The following MTA3 variants were observed in gnomAD, a reference collection of about 807,000 sequenced individuals.
The protein encoded by MTA3 is metastasis-associated protein MTA3.
Under a neutral mutation model 83.5 loss-of-function variants are expected in MTA3, and 34 were observed. That is an observed-to-expected ratio of 0.41 (90% CI 0.31 to 0.54). The LOEUF is 0.54. Ranked by LOEUF, MTA3 falls within the 20% of genes least tolerant of loss-of-function variation. MTA3 has a pLI of 0.33. For missense variants in MTA3, 761 were observed against 726.4 expected (o/e 1.05, Z -0.55); for synonymous variants, 303 against 252.7 (o/e 1.20, Z -1.89).
intron 8 of MTA3, among the ~76,000 whole-genome samples, chr2:42,668,987 G>A (rs771023198): frequency 1.3e-5 from 2 of 151,822 alleles, no homozygotes; most frequent in East Asian, 1.9e-4. Flanking sequence ...CATCAATCAC[G>A]TACTTCATTC....
At chr2:42,517,066 C>T (rs1675177706) in intron 2 of MTA3, among the ~76,000 whole-genome samples, 1 of 151,942 alleles carries the variant, frequency 6.6e-6, no homozygotes. Flanking sequence ...TTGAGACCAG[C>T]CTGACCAACA....
intron 3 of MTA3, among the ~76,000 whole-genome samples, chr2:42,587,147 C>T (rs945824379): frequency 2.6e-5 from 4 of 151,920 alleles, no homozygotes; most frequent in Non-Finnish European, 4.4e-5. Context: ...GAGCCAAGAT[C>T]GTGTCACTGC....
chr2:42,572,831 G>T (rs547443908), intron 2 of MTA3, among the ~76,000 whole-genome samples: 1 of 152,082 alleles, frequency 6.6e-6, no homozygotes, highest in Non-Finnish European at 1.5e-5. Context: ...AGGTTCAAGC[G>T]ATTCTACTGT....
In MTA3 at chr2:42,510,277, G is replaced by C. The variant is rs553746568; in HGVS notation, c.-141+15023G>C. 1.6e-3 allele frequency among the ~76,000 whole-genome samples: 230 copies of C among 145,534 alleles called. 2 individuals are homozygous for C. The highest frequency in any genetic ancestry group is 5.6e-3 in the African/African-American group (218 of 39,136). On this transcript the variant is annotated intron_variant, in intron 2 of 17. Transcript: ENST00000405592. ...GGAGGCGGAGGTTGCAGTGAGCTGA[G>C]ATTGCACCACTGCTCTCCAGCCTGG... is the stretch of plus-strand genomic sequence containing the variant.
intron 16 of MTA3, among the ~76,000 whole-genome samples, chr2:42,749,146 A>G (rs1361693158): frequency 6.6e-6 from 1 of 152,050 alleles, no homozygotes; most frequent in Non-Finnish European, 1.5e-5. Flanking sequence ...ATGTGAGGGG[A>G]GTTTGTATGT....
At chr2:42,611,044 C>T (rs1254906985) in intron 4 of MTA3, among the ~76,000 whole-genome samples, 8 of 148,204 alleles carry the variant, frequency 5.4e-5, no homozygotes, top group African/African-American at 1.5e-4. Flanking sequence ...TGCAGTGGCG[C>T]GATCTTGGCT....
chr2:42,560,035 G>A (rs1464856688), intron 2 of MTA3, among the ~76,000 whole-genome samples: 1 of 151,994 alleles, frequency 6.6e-6, no homozygotes, highest in Non-Finnish European at 1.5e-5. Context: ...ACTCTGCACA[G>A]CAGTCCAAGT....
intron 6 of MTA3, among the ~76,000 whole-genome samples, chr2:42,647,172 A>AAAAAAAAAAC (rs1233612949): frequency 6.6e-6 from 1 of 150,994 alleles, no homozygotes; most frequent in African/African-American, 2.4e-5. Context: ...AAAAAACAAA[A>AAAAAAAAAAC]AAGAAAGGAA....
At chr2:42,503,905 C>A (rs1049894932) in intron 2 of MTA3, among the ~76,000 whole-genome samples, 13 of 148,516 alleles carry the variant, frequency 8.8e-5, no homozygotes, top group African/African-American at 3.2e-4. Context: ...ACCCATCCAA[C>A]CCCATGAACC....
intron 2 of MTA3, among the ~76,000 whole-genome samples, chr2:42,574,778 T>C (rs543804481): frequency 2.6e-5 from 4 of 152,294 alleles, no homozygotes; most frequent in South Asian, 4.1e-4. Flanking sequence ...CAGGCTGATC[T>C]AGAACTCCTG....
intron 2 of MTA3, among the ~76,000 whole-genome samples, chr2:42,577,360 G>T (rs1038599181): frequency 1.3e-5 from 2 of 151,640 alleles, no homozygotes; most frequent in African/African-American, 2.4e-5. Context: ...TATTTATTTT[G>T]AACTATGCTC....
At chr2:42,654,622 G>A (rs950959662) in intron 6 of MTA3, among the ~76,000 whole-genome samples, 1 of 152,078 alleles carries the variant, frequency 6.6e-6, no homozygotes, top group Admixed American at 6.6e-5. Flanking sequence ...CTTACTTCCT[G>A]TTTGTGTATC....
intron 14 of MTA3, among the ~76,000 whole-genome samples, chr2:42,710,772 G>A (rs371982386): frequency 6.6e-6 from 1 of 152,032 alleles, no homozygotes. Flanking sequence ...ACATTTTCAT[G>A]TAATTTTTTA....
At chr2:42,536,537 C>A (rs1269269705) in intron 2 of MTA3, among the ~76,000 whole-genome samples, 1 of 151,646 alleles carries the variant, frequency 6.6e-6, no homozygotes, top group Non-Finnish European at 1.5e-5. Context: ...CGAGGCAATC[C>A]TGCTTCAGTG....
At chr2:42,742,953 A>G (rs145907221) in intron 16 of MTA3, among the ~76,000 whole-genome samples, 102 of 152,312 alleles carry the variant, frequency 6.7e-4, no homozygotes, top group African/African-American at 2.4e-3. Flanking sequence ...ATAAAGAGGA[A>G]CTACCCTTGG....
chr2:42,640,885 C>T (rs1687633873), intron 5 of MTA3, among the ~76,000 whole-genome samples: 1 of 152,008 alleles, frequency 6.6e-6, no homozygotes, highest in Non-Finnish European at 1.5e-5. Context: ...TTTCTTCTCC[C>T]CCAAAAGCTT....
At chr2:42,698,650 T>A (rs1693597714) in intron 11 of MTA3, among the ~76,000 whole-genome samples, 1 of 152,190 alleles carries the variant, frequency 6.6e-6, no homozygotes, top group Non-Finnish European at 1.5e-5. Flanking sequence ...CTCTAAGCCT[T>A]TTCTCCCTCT....
intron 2 of MTA3, among the ~76,000 whole-genome samples, chr2:42,514,161 C>T (rs1048041066): frequency 1.8e-4 from 28 of 151,924 alleles, no homozygotes; most frequent in Non-Finnish European, 2.9e-5. Flanking sequence ...TGGAGTGAGT[C>T]GAGATCGCGC....
intron 9 of MTA3, among the ~76,000 whole-genome samples, chr2:42,691,693 A>T (rs1040875909): frequency 6.6e-5 from 10 of 152,082 alleles, no homozygotes; most frequent in African/African-American, 2.4e-4. Context: ...AGCACTTCTT[A>T]TTGGACAGGT....
Sources: allele counts gnomAD v4.1 joint callset (sites outside exome capture counted in the v4.1 genomes callset), GRCh38; gene constraint gnomAD v4.1.1; transcripts MANE v1.5; gene names NCBI Gene and HGNC (gene_info 2026-07-23, HGNC 2026-07-21).